Variants in CYRIA observed in about 807,000 individuals in gnomAD.
CYRIA encodes the protein CYFIP related Rac1 interactor A.
In CYRIA, 15 loss-of-function variants were observed where a neutral mutation model predicts 43.9. That is an observed-to-expected ratio of 0.34 (90% CI 0.23 to 0.53). The LOEUF (loss-of-function observed/expected upper bound fraction) is 0.53. Ranked by LOEUF, CYRIA falls within the 20% of genes least tolerant of loss-of-function variation. CYRIA has a pLI of 0.94. For missense variants in CYRIA, 236 were observed against 394.2 expected, an observed-to-expected ratio of 0.60 and a Z score of 3.40; for synonymous variants, 117 against 136.0, an observed-to-expected ratio of 0.86 and a Z score of 0.97.
intron 8 of CYRIA, 23 bp downstream of exon 8, chr2:16,561,138 C>T (rs1330836888): frequency 2.5e-6 from 4 of 1,610,782 alleles, no homozygotes; most frequent in Admixed American, 1.7e-5. Context: ...GAAAAAAGCA[C>T]CTCGTTGCTC....
chr2:16,623,694 A>G (rs545544277), intron 2 of CYRIA, among the ~76,000 whole-genome samples, 170 bp downstream of exon 2: 1 of 152,354 alleles, frequency 6.6e-6, no homozygotes, highest in Non-Finnish European at 1.5e-5. Context: ...AAAAGCCTCA[A>G]GATAGCACAG....
intron 3 of CYRIA, among the ~76,000 whole-genome samples, chr2:16,586,051 G>T (rs1667720021): frequency 6.6e-6 from 1 of 152,080 alleles, no homozygotes; most frequent in Non-Finnish European, 1.5e-5. Flanking sequence ...GAGACTCCAA[G>T]AACAGCTAAA....
chr2:16,651,674 C>T (rs1462218505), intron 1 of CYRIA, among the ~76,000 whole-genome samples: 4 of 152,190 alleles, frequency 2.6e-5, no homozygotes, highest in African/African-American at 9.7e-5. Flanking sequence ...AGATTAGCTC[C>T]ACTGGAGGAT....
chr2:16,581,877 A>C (rs1667562313), intron 3 of CYRIA, among the ~76,000 whole-genome samples: 1 of 152,238 alleles, frequency 6.6e-6, no homozygotes, highest in African/African-American at 2.4e-5. Flanking sequence ...GAAATAAACT[A>C]TTGATACATG....
At chr2:16,632,494 A>G (rs6750241) in intron 1 of CYRIA, among the ~76,000 whole-genome samples, 29,696 of 151,934 alleles carry the variant, frequency 0.2, 4,768 homozygotes, top group East Asian at 0.6. Flanking sequence ...TGAGCCTCAG[A>G]GGCAATGATA....
chr2:16,558,338 T>C (rs1159597814), intron 10 of CYRIA, among the ~76,000 whole-genome samples: 2 of 152,122 alleles, frequency 1.3e-5, no homozygotes, highest in Non-Finnish European at 1.5e-5. Context: ...TAATCCAAGT[T>C]ACATTTTTTA....
chr2:16,638,033 T>C (rs1669556619), intron 1 of CYRIA, among the ~76,000 whole-genome samples: 1 of 152,050 alleles, frequency 6.6e-6, no homozygotes, highest in South Asian at 2.1e-4. Flanking sequence ...CGGGGGGTGA[T>C]GGGTGGGGTG....
intron 1 of CYRIA, among the ~76,000 whole-genome samples, chr2:16,641,222 A>G (rs1358212543): frequency 6.6e-6 from 1 of 152,054 alleles, no homozygotes; most frequent in Non-Finnish European, 1.5e-5. Flanking sequence ...TCCTCCACTG[A>G]CTAAGAAATA....
chr2:16,607,211 A>G, intron 2 of CYRIA, among the ~76,000 whole-genome samples: 1 of 148,892 alleles, frequency 6.7e-6, no homozygotes, highest in East Asian at 2.1e-4. Context: ...CTGGCTTGGT[A>G]CCCGAGCAAG....
At chr2:16,612,200 G>A (rs1668629266) in intron 2 of CYRIA, among the ~76,000 whole-genome samples, 1 of 152,176 alleles carries the variant, frequency 6.6e-6, no homozygotes, top group Non-Finnish European at 1.5e-5. Flanking sequence ...AATGAGTGAA[G>A]AATGATAGTG....
chr2:16,585,688 G>C (rs1466172582), intron 3 of CYRIA, among the ~76,000 whole-genome samples: 1 of 152,090 alleles, frequency 6.6e-6, no homozygotes, highest in South Asian at 2.1e-4. Context: ...TAAATGCTCT[G>C]TTTAGCTACC....
chr2:16,644,841 A>G (rs1301438648), intron 1 of CYRIA, among the ~76,000 whole-genome samples: 1 of 152,172 alleles, frequency 6.6e-6, no homozygotes, highest in African/African-American at 2.4e-5. Flanking sequence ...GCAGAAAAAT[A>G]AAGACAGCCC....
At chr2:16,612,439 T>G (rs1226776667) in intron 2 of CYRIA, among the ~76,000 whole-genome samples, 1 of 152,170 alleles carries the variant, frequency 6.6e-6, no homozygotes, top group Non-Finnish European at 1.5e-5. Flanking sequence ...ATGGTGACAC[T>G]CATTTTAATA....
Position 16,551,688 on chromosome 2 carries a change from T to C in CYRIA, c.*1248A>G, listed in dbSNP as rs987386067. ...CAAGGTGGGGCAAATGCTTGCTGGATACTACGTACTAAGGAAGAAGGGCGG... is the reference window on the plus strand; with the variant it reads ...CAAGGTGGGGCAAATGCTTGCTGGACACTACGTACTAAGGAAGAAGGGCGG... On this transcript the variant is annotated 3_prime_UTR_variant, in exon 12 of 12. Coordinates refer to ENST00000381323, the MANE Select transcript of CYRIA (RefSeq NM_030797.4). The C allele has an allele frequency of 5.3e-5, 8 of 152,186 alleles. No individual in the cohort carries two copies. Among genetic ancestry groups the C allele is most frequent in the Admixed American group, 2.0e-4 (3 of 15,272 alleles). 9.4% of individuals were successfully genotyped at this position (152,186 alleles called of 1,614,324 possible). A position where few individuals can be genotyped will look rare whatever the true frequency, so the allele number is the denominator to read the frequency against.
At chr2:16,553,286 TG>T (rs1666381547) in intron 11 of CYRIA, among the ~76,000 whole-genome samples, 1 of 152,124 alleles carries the variant, frequency 6.6e-6, no homozygotes, top group South Asian at 2.1e-4. Flanking sequence ...CAGGATTGAG[TG>T]CAGAATCCTG....
intron 2 of CYRIA, among the ~76,000 whole-genome samples, chr2:16,618,872 C>T (rs1668899457): frequency 6.6e-6 from 1 of 152,162 alleles, no homozygotes; most frequent in Non-Finnish European, 1.5e-5. Flanking sequence ...ATTTTGGAGT[C>T]CAGGTGAGAT....
intron 1 of CYRIA, among the ~76,000 whole-genome samples, chr2:16,653,528 T>C (rs1288330079): frequency 2.6e-5 from 4 of 152,192 alleles, no homozygotes; most frequent in African/African-American, 9.7e-5. Context: ...CTTACCACCA[T>C]CTAACATGAT....
In CYRIA at chr2:16,649,434, T is replaced by C. The variant is rs955462254; in HGVS notation, c.-167+16346A>G. 2.6e-5 allele frequency among the ~76,000 whole-genome samples: 4 copies of C among 151,668 alleles called. No individual in the cohort carries two copies. The East Asian group carries it at 7.7e-4, about 29-fold the overall frequency. On this transcript the variant is annotated intron_variant, in intron 1 of 11. Coordinates refer to ENST00000381323, the MANE Select transcript of CYRIA (RefSeq NM_030797.4). ...TATAGTACAGGGCATGGTTATACAG[T>C]ATGGGGGACAGTTGTACAGTACAGG...
chr2:16,578,680 C>T (rs1394741233), intron 3 of CYRIA, among the ~76,000 whole-genome samples: 2 of 151,934 alleles, frequency 1.3e-5, no homozygotes, highest in Non-Finnish European at 2.9e-5. Flanking sequence ...TAGAAAGTAT[C>T]AGTAAACTTG....
Sources: allele counts gnomAD v4.1 joint callset (sites outside exome capture counted in the v4.1 genomes callset), GRCh38; gene constraint gnomAD v4.1.1; transcripts MANE v1.5; gene names NCBI Gene and HGNC (gene_info 2026-07-23, HGNC 2026-07-21).